ABL1: variants seen among roughly 807,000 people sequenced by gnomAD.
ABL1 encodes tyrosine-protein kinase ABL1.
In ABL1, 11 loss-of-function variants were observed where a neutral mutation model predicts 94.7. The ratio of observed to expected loss-of-function variants is 0.12; its 90% CI spans 0.07 to 0.19. ABL1 has a LOEUF of 0.19. Among genes scored for constraint, ABL1 ranks in the 10% least tolerant of loss-of-function variants. The pLI, the probability that ABL1 is intolerant of heterozygous loss-of-function variation, is 1.00. For missense variants in ABL1, 1,082 were observed against 1,489.4 expected, an observed-to-expected ratio of 0.73 and a Z score of 4.50; for synonymous variants, 656 against 622.4, an observed-to-expected ratio of 1.05 and a Z score of -0.80.
chr9:130,806,137 G>A (rs934531689), intron 1 of ABL1, among the ~76,000 whole-genome samples: 2 of 152,156 alleles, frequency 1.3e-5, no homozygotes, highest in Middle Eastern at 3.2e-3. Flanking sequence ...ACAGAAGCTG[G>A]TCAAAGACCA....
At chr9:130,716,072 CTTTTTTTTTTTTTTTTTTTT>C (rs71389339) in intron 1 of ABL1, among the ~76,000 whole-genome samples, 1 of 91,178 alleles carries the variant, frequency 1.1e-5, no homozygotes, top group Non-Finnish European at 2.3e-5. Flanking sequence ...GAAAAATGTC[CTTTTTTTTTTTTTTTTTTTT>C]TTTTTTTTTT....
chr9:130,853,711 G>A (rs575649346), intron 1 of ABL1, among the ~76,000 whole-genome samples: 6 of 152,280 alleles, frequency 3.9e-5, no homozygotes, highest in Admixed American at 2.0e-4. Flanking sequence ...CACCATGCCC[G>A]GCTAAAGCAA....
At chr9:130,808,214 TTTCTTCTTCTTCTTC>T (rs372530078) in intron 1 of ABL1, among the ~76,000 whole-genome samples, 3 of 143,012 alleles carry the variant, frequency 2.1e-5, no homozygotes, top group Admixed American at 7.2e-5. Flanking sequence ...CCTAATTTCT[TTTCTTCTTCTTCTTC>T]TTCTTCTTCT....
intron 1 of ABL1, among the ~76,000 whole-genome samples, chr9:130,773,926 T>G (rs1320159784): frequency 6.6e-6 from 1 of 152,230 alleles, no homozygotes; most frequent in Non-Finnish European, 1.5e-5. Context: ...GAAGTTTCCT[T>G]ATGATTCTTT....
exon 1 of ABL1, chr9:130,714,299 A>G (rs752378192): frequency 1.3e-5 from 20 of 1,563,208 alleles, no homozygotes; most frequent in Non-Finnish European, 1.5e-5. Context: ...TCTTCTGGAA[A>G]GGGGTACCTA....
rs775425570 is a variant in ABL1 at position 130,885,441 on chromosome 9, G to A, written c.3151G>A (p.Ala1051Thr). ...LAISRNSEQM[A>T]SHSAVLEAGK... Reference sequence around the variant, plus strand: ...CATCTCTAGGAACTCCGAGCAGATGGCCAGCCACAGCGCAGTGCTGGAGGC... The same window carrying A: ...CATCTCTAGGAACTCCGAGCAGATGACCAGCCACAGCGCAGTGCTGGAGGC... Residue 1051 changes from alanine (A) to threonine (T), a missense_variant, in exon 11 of 11, where the codon GCC becomes ACC. Transcript: ENST00000318560. The A allele has an allele frequency of 1.4e-5, 22 of 1,613,732 alleles. No homozygotes were observed. The South Asian group carries it at 1.4e-4, about 10-fold the overall frequency.
At chr9:130,779,420 CA>C (rs1350699093) in intron 1 of ABL1, among the ~76,000 whole-genome samples, 1 of 152,216 alleles carries the variant, frequency 6.6e-6, no homozygotes, top group East Asian at 1.9e-4. Context: ...TGCCCCCCAC[CA>C]TTTTTTTATT....
At chr9:130,860,882 G>A (rs778064752) in intron 3 of ABL1, among the ~76,000 whole-genome samples, 13 of 152,204 alleles carry the variant, frequency 8.5e-5, no homozygotes, top group African/African-American at 4.8e-5. Flanking sequence ...GTCCCGCTCC[G>A]TTTTCTTTGT....
At chr9:130,792,703 G>C (rs752130904) in intron 1 of ABL1, among the ~76,000 whole-genome samples, 1 of 152,136 alleles carries the variant, frequency 6.6e-6, no homozygotes, top group African/African-American at 2.4e-5. Context: ...AAATTTGATC[G>C]TATGACATCT....
intron 7 of ABL1, among the ~76,000 whole-genome samples, chr9:130,877,582 CCCT>C (rs1327081902): frequency 3.4e-5 from 5 of 147,514 alleles, no homozygotes; most frequent in African/African-American, 1.3e-4. Context: ...TCATCATCTG[CCCT>C]CCTCTAGCAT....
At chr9:130,832,720 C>A (rs1830507308), upstream of ABL1, among the ~76,000 whole-genome samples, 1 of 152,176 alleles carries the variant, frequency 6.6e-6, no homozygotes. Context: ...AATTTCTTTC[C>A]TTTTCCCTTT....
At position 130,878,148 on chromosome 9, in the gene ABL1, G is replaced by A. The variant is rs188225100; in HGVS notation, c.1271-267G>A. Reference sequence around the variant, plus strand: ...GTATTTTTAGTAGAGATGGGGTTTCGCCATGTTGGCCAGGGTGGTCTTGAA... The same window carrying A: ...GTATTTTTAGTAGAGATGGGGTTTCACCATGTTGGCCAGGGTGGTCTTGAA... On this transcript the variant is annotated intron_variant, in intron 7 of 10. Coordinates refer to ENST00000318560, the MANE Select transcript of ABL1 (RefSeq NM_005157.6). Among the ~76,000 whole-genome samples the A allele has an allele frequency of 8.9e-3, 1,350 of 151,790 alleles. 9 individuals carry two copies. Among genetic ancestry groups the A allele is most frequent in the Middle Eastern group, 0.02 (6 of 294 alleles).
rs1830937102 is a variant in ABL1 at position 130,854,246 on chromosome 9, G to GT, written c.253+11dup. The GT allele has an allele frequency of 1.2e-6, 2 of 1,611,346 alleles. No homozygotes were observed. The highest frequency in any genetic ancestry group is 1.7e-6 in the Non-Finnish European group (2 of 1,178,472). ...TCTAAGCATAACTAAAGGTAAAAGG[G>GT]TTGTGGGCAGCTAGTGGTGGTTGCA... On this transcript the variant is annotated intron_variant, in intron 2 of 10. Transcript: ENST00000318560.
chr9:130,854,656 T>G, intron 2 of ABL1, 145 bp from the exon 3 acceptor site: 1 of 866,738 alleles, frequency 1.2e-6, no homozygotes, highest in Non-Finnish European at 1.8e-6. Flanking sequence ...CATACACTTA[T>G]AAATGCATAT....
chr9:130,801,504 G>T (rs1326445914), intron 1 of ABL1, among the ~76,000 whole-genome samples: 3 of 152,250 alleles, frequency 2.0e-5, no homozygotes. Flanking sequence ...GGGATGACAG[G>T]CGTGAGCCAC....
chr9:130,845,687 A>G (rs1363069380), intron 1 of ABL1, among the ~76,000 whole-genome samples: 1 of 152,186 alleles, frequency 6.6e-6, no homozygotes, highest in African/African-American at 2.4e-5. Context: ...CTTGTTATTT[A>G]ATGTGCGAAT....
chr9:130,730,445 CAT>C (rs1467567125), intron 1 of ABL1, among the ~76,000 whole-genome samples: 1 of 152,130 alleles, frequency 6.6e-6, no homozygotes, highest in Non-Finnish European at 1.5e-5. Flanking sequence ...AGCACCTTTT[CAT>C]ATGTTTACTG....
At chr9:130,773,093 G>A (rs1193213425) in intron 1 of ABL1, among the ~76,000 whole-genome samples, 1 of 152,202 alleles carries the variant, frequency 6.6e-6, no homozygotes, top group South Asian at 2.1e-4. Context: ...GGCCAAGGCG[G>A]GTGGATCACC....
chr9:130,727,659 G>A (rs1351597892), intron 1 of ABL1, among the ~76,000 whole-genome samples: 2 of 151,550 alleles, frequency 1.3e-5, no homozygotes, highest in South Asian at 4.2e-4. Context: ...GGGAGGCTGA[G>A]GCAGGATAAT....
Sources: allele counts gnomAD v4.1 joint callset (sites outside exome capture counted in the v4.1 genomes callset), GRCh38; gene constraint gnomAD v4.1.1; transcripts MANE v1.5; gene names NCBI Gene and HGNC (gene_info 2026-07-23, HGNC 2026-07-21).